Variants in NRXN2 observed in about 807,000 individuals in gnomAD.
NRXN2 encodes neurexin-2-beta.
A neutral mutation model predicts 128.8 loss-of-function variants in NRXN2; 29 were observed. That is an observed-to-expected ratio of 0.23 (90% confidence interval 0.17 to 0.31). The LOEUF (loss-of-function observed/expected upper bound fraction) is 0.31, where lower values mean the gene tolerates loss of function less well. Among genes scored for constraint, NRXN2 ranks in the 10% least tolerant of loss-of-function variants. The pLI is 1.00. For missense variants in NRXN2, 1,881 were observed against 2,452.6 expected, an observed-to-expected ratio of 0.77 and a Z score of 4.92; for synonymous variants, 1,098 against 1,075.2, an observed-to-expected ratio of 1.02 and a Z score of -0.41.
chr11:64,719,017 TA>T (rs1029074772), intron 1 of NRXN2, among the ~76,000 whole-genome samples: 1 of 152,220 alleles, frequency 6.6e-6, no homozygotes, highest in Non-Finnish European at 1.5e-5. Context: ...TTTCTTTATG[TA>T]TAAAATAGAG....
chr11:64,640,350 C>T (rs1008260986), intron 17 of NRXN2, among the ~76,000 whole-genome samples: 1 of 152,192 alleles, frequency 6.6e-6, no homozygotes, highest in Non-Finnish European at 1.5e-5. Context: ...TTCCTCTCTC[C>T]TACACCTTCC....
intron 1 of NRXN2, among the ~76,000 whole-genome samples, chr11:64,722,290 A>G (rs2135701131): frequency 9.3e-6 from 1 of 108,006 alleles, no homozygotes; most frequent in Admixed American, 1.2e-4. Flanking sequence ...TCCCTGTCTC[A>G]TCACCCCCAG....
intron 17 of NRXN2, among the ~76,000 whole-genome samples, chr11:64,643,797 C>G (rs560263198): frequency 3.3e-5 from 5 of 151,954 alleles, no homozygotes; most frequent in Non-Finnish European, 5.9e-5. Context: ...CCTGCACCCC[C>G]CTCCTGGAGA....
Position 64,648,645 on chromosome 11 carries a change from G to A in NRXN2, c.3283+89C>T. On this transcript the variant is annotated intron_variant, in intron 16 of 22. Transcript: ENST00000265459. This position sits in a 1 kb window ranked among gnomAD's most constrained non-coding sequence, Gnocchi z 4.1. ...GCCTGAGAAGGAAGGCCCCTTGGCA[G>A]AGCAAAGGCTACCTGCCCCGGTCTG... 1 of 1,549,882 alleles carries A rather than the reference G, an allele frequency of 6.5e-7. No individual in the cohort carries two copies. Among genetic ancestry groups the A allele is most frequent in the South Asian group, 1.1e-5 (1 of 89,364 alleles).
At chr11:64,702,564 G>A (rs2055633637) in intron 2 of NRXN2, among the ~76,000 whole-genome samples, 1 of 151,996 alleles carries the variant, frequency 6.6e-6, no homozygotes, top group East Asian at 1.9e-4. Context: ...ATTAAGGGCG[G>A]TGCAAGATGT....
chr11:64,634,558 G>T (rs1237576031), intron 18 of NRXN2, among the ~76,000 whole-genome samples: 1 of 152,154 alleles, frequency 6.6e-6, no homozygotes, highest in Non-Finnish European at 1.5e-5. Flanking sequence ...GTCAAGGTGG[G>T]TAGCAGGCAC....
At chr11:64,662,687 C>T (rs1159856289) in intron 9 of NRXN2, among the ~76,000 whole-genome samples, 2 of 151,902 alleles carry the variant, frequency 1.3e-5, no homozygotes, top group Non-Finnish European at 2.9e-5. Flanking sequence ...GAGGCTAAGG[C>T]AGGAGAATGG....
chr11:64,636,431 T>C (rs1373204836), intron 17 of NRXN2, among the ~76,000 whole-genome samples: 1 of 151,728 alleles, frequency 6.6e-6, no homozygotes, highest in Admixed American at 6.6e-5. Context: ...GGTCACCCAG[T>C]TTCCCGGAAA....
At position 64,651,265 on chromosome 11, in the gene NRXN2, G is replaced by A; in HGVS notation, c.2908C>T (p.Leu970=). 1 of 1,614,162 alleles carries A rather than the reference G, an allele frequency of 6.2e-7. No individual in the cohort carries two copies. Among genetic ancestry groups the A allele is most frequent in the Non-Finnish European group, 8.5e-7 (1 of 1,180,030 alleles). The change falls in exon 14 of 23, where the codon CTG becomes TTG. Residue 970 remains leucine, a synonymous_variant. Transcript: ENST00000265459. This position sits in a 1 kb window ranked among gnomAD's most constrained non-coding sequence, Gnocchi z 5.9. ...TCCCCAGCCCCTCACCCCTTGACCA[G>A]CTCGATGACAATGAAGTCATTGCCG... The part of the protein sequence containing the change: ...GNGNDFIVIE[L]VKGYIHYVFD...
chr11:64,686,172 A>G (rs1463172419), intron 5 of NRXN2, among the ~76,000 whole-genome samples: 1 of 152,042 alleles, frequency 6.6e-6, no homozygotes, highest in Non-Finnish European at 1.5e-5. Flanking sequence ...TCCATTTCCA[A>G]ACCAGGAGGC....
At chr11:64,684,457 A>G (rs1175017634) in intron 6 of NRXN2, among the ~76,000 whole-genome samples, 2 of 152,314 alleles carry the variant, frequency 1.3e-5, no homozygotes, top group Admixed American at 1.3e-4. Context: ...TAGGCACATT[A>G]GTAGGAGCCC....
Position 64,607,527 on chromosome 11 carries a change from G to A in NRXN2, c.4808C>T (p.Ala1603Val), listed in dbSNP as rs778970313. ...TGTGGGCAGATGGGGGAAGCCGGGG[G>A]CTGAGGTCACGCCGGGGCGCAGGGG... The part of the protein sequence containing the change: ...PPPLRPGVTS[A>V]PGFPHLPTAN... Residue 1603 changes from alanine to valine, a missense_variant, in exon 23 of 23, where the codon GCC becomes GTC. Transcript: ENST00000265459. The A allele has an allele frequency of 8.0e-5, 126 of 1,582,276 alleles. No individual in the cohort carries two copies. The highest frequency in any genetic ancestry group is 9.9e-5 in the Non-Finnish European group (116 of 1,167,518).
intron 1 of NRXN2, among the ~76,000 whole-genome samples, chr11:64,720,647 C>A (rs1162421109): frequency 3.3e-5 from 5 of 151,872 alleles, no homozygotes; most frequent in African/African-American, 9.7e-5. Context: ...GGGGGTGAGC[C>A]ACAGCATTAA....
intron 6 of NRXN2, among the ~76,000 whole-genome samples, chr11:64,679,174 C>G (rs991315461): frequency 1.3e-5 from 2 of 152,128 alleles, no homozygotes; most frequent in African/African-American, 2.4e-5. Context: ...TAAGTGTTGT[C>G]TGGTATCACT....
chr11:64,653,171 T>C lies in NRXN2; in HGVS notation c.2416+525A>G, dbSNP rs550256485. 6.6e-5 allele frequency among the ~76,000 whole-genome samples: 10 copies of C among 152,224 alleles called. No individual in the cohort carries two copies. The South Asian group carries it at 1.2e-3, about 19-fold the overall frequency. On this transcript the variant is annotated intron_variant, in intron 12 of 22. Transcript: ENST00000265459. ...CTGCTGAGAGCCCTCACTGTCACCA[T>C]AGAAGGAGCCCCCATTTGGCAGAAA...
chr11:64,614,269 T>G (rs1242681701), intron 22 of NRXN2, among the ~76,000 whole-genome samples: 1 of 152,196 alleles, frequency 6.6e-6, no homozygotes, highest in Non-Finnish European at 1.5e-5. Context: ...TCCCACCTAT[T>G]GTTTCAAATG....
chr11:64,698,108 A>T (rs1276896492), intron 2 of NRXN2, among the ~76,000 whole-genome samples: 1 of 152,178 alleles, frequency 6.6e-6, no homozygotes, highest in Non-Finnish European at 1.5e-5. Flanking sequence ...TCACACAGAG[A>T]ATCTGAGGCA....
intron 2 of NRXN2, among the ~76,000 whole-genome samples, chr11:64,698,310 T>C (rs1007537428): frequency 6.6e-6 from 1 of 152,098 alleles, no homozygotes; most frequent in Non-Finnish European, 1.5e-5. Flanking sequence ...ACACACTGTC[T>C]CACACAATTC....
intron 17 of NRXN2, among the ~76,000 whole-genome samples, chr11:64,640,388 G>A (rs2045481952): frequency 6.6e-6 from 1 of 152,128 alleles, no homozygotes; most frequent in Admixed American, 6.5e-5. Context: ...ATCCTGCAAA[G>A]CTCCCCAGTA....
Sources: allele counts gnomAD v4.1 joint callset (sites outside exome capture counted in the v4.1 genomes callset), GRCh38; gene constraint gnomAD v4.1.1; non-coding constraint Gnocchi (gnomAD v3.1); transcripts MANE v1.5; gene names NCBI Gene and HGNC (gene_info 2026-07-23, HGNC 2026-07-21).